The following SEMA6D variants were observed in gnomAD, a reference collection of about 807,000 sequenced individuals.
The protein encoded by SEMA6D is semaphorin-6D.
In SEMA6D, 35 loss-of-function variants were observed where a neutral mutation model predicts 106.6. The ratio of observed to expected loss-of-function variants is 0.33; its 90% CI spans 0.25 to 0.44. SEMA6D has a LOEUF of 0.44. Among genes scored for constraint, SEMA6D ranks in the 20% least tolerant of loss-of-function variants. The probability of loss-of-function intolerance (pLI) is 1.00; values close to 1 mark genes in which losing one functional copy is unlikely to be tolerated. For missense variants in SEMA6D, 1,185 were observed against 1,345.9 expected (o/e 0.88, Z 1.87); for synonymous variants, 499 against 487.7 (o/e 1.02, Z -0.31).
At chr15:47,375,881 A>G (rs1323530129) in intron 1 of SEMA6D, among the ~76,000 whole-genome samples, 2 of 152,222 alleles carry the variant, frequency 1.3e-5, no homozygotes, top group Non-Finnish European at 2.9e-5. Context: ...AGAAGATTAA[A>G]TGCTGGTGAT....
At chr15:47,185,128 T>C (rs1893471797) in intron 1 of SEMA6D, among the ~76,000 whole-genome samples, 1 of 152,070 alleles carries the variant, frequency 6.6e-6, no homozygotes, top group Non-Finnish European at 1.5e-5. Flanking sequence ...CGGTGACTGT[T>C]CTTGGGGCCA....
chr15:47,311,488 AT>A (rs1486316757), intron 1 of SEMA6D, among the ~76,000 whole-genome samples: 8 of 152,056 alleles, frequency 5.3e-5, no homozygotes, highest in Middle Eastern at 6.8e-3. Flanking sequence ...GGTTATGTGG[AT>A]TTTTTTTACA....
chr15:47,743,382 G>GT (rs202111281), intron 1 of SEMA6D, among the ~76,000 whole-genome samples: 38 of 149,546 alleles, frequency 2.5e-4, no homozygotes, highest in African/African-American at 3.4e-4. Flanking sequence ...ATTTTTCAAT[G>GT]TTTTTTTTTT....
At chr15:47,299,198 C>T (rs2035924169) in intron 1 of SEMA6D, among the ~76,000 whole-genome samples, 1 of 152,094 alleles carries the variant, frequency 6.6e-6, no homozygotes. Flanking sequence ...ATCAGCTGGT[C>T]CTTAGAGACC....
At chr15:47,302,054 C>T (rs913911137) in intron 1 of SEMA6D, among the ~76,000 whole-genome samples, 1 of 151,946 alleles carries the variant, frequency 6.6e-6, no homozygotes, top group Non-Finnish European at 1.5e-5. Flanking sequence ...ATGCACCAGC[C>T]CCATGTTAGC....
intron 1 of SEMA6D, among the ~76,000 whole-genome samples, chr15:47,718,177 G>T (rs1170838428): frequency 1.3e-5 from 2 of 152,212 alleles, no homozygotes; most frequent in African/African-American, 4.8e-5. Context: ...GAGCCAGCCG[G>T]GGAGAGCTGA....
chr15:47,549,836 A>G (rs1004724687), intron 3 of SEMA6D, among the ~76,000 whole-genome samples: 3 of 152,184 alleles, frequency 2.0e-5, no homozygotes, highest in Admixed American at 1.3e-4. Context: ...TGCAAAATGG[A>G]TCTTTTTTCA....
At chr15:47,677,387 G>A (rs976594445) in intron 4 of SEMA6D, among the ~76,000 whole-genome samples, 1 of 152,060 alleles carries the variant, frequency 6.6e-6, no homozygotes, top group African/African-American at 2.4e-5. Context: ...AGAGACCCAG[G>A]GAGAAGCTGC....
chr15:47,602,800 G>A (rs1215534570), intron 4 of SEMA6D, among the ~76,000 whole-genome samples: 3 of 152,144 alleles, frequency 2.0e-5, no homozygotes, highest in African/African-American at 7.2e-5. Flanking sequence ...TTGCAGGATG[G>A]AAGAAGTTGG....
intron 1 of SEMA6D, among the ~76,000 whole-genome samples, chr15:47,320,304 C>T (rs1456525150): frequency 2.0e-5 from 3 of 152,116 alleles, no homozygotes; most frequent in African/African-American, 7.2e-5. Context: ...TCTTGGTACC[C>T]CTGGCTAGAG....
chr15:47,554,310 A>G (rs2045854212), intron 3 of SEMA6D, among the ~76,000 whole-genome samples: 1 of 152,226 alleles, frequency 6.6e-6, no homozygotes, highest in Non-Finnish European at 1.5e-5. Context: ...TCACAAGACA[A>G]GAGTCAGAAC....
At chr15:47,752,516 G>A (rs984057683) in intron 1 of SEMA6D, among the ~76,000 whole-genome samples, 1 of 152,174 alleles carries the variant, frequency 6.6e-6, no homozygotes, top group African/African-American at 2.4e-5. Flanking sequence ...AGACCCAGGT[G>A]ATAGCTTGAG....
intron 4 of SEMA6D, among the ~76,000 whole-genome samples, chr15:47,621,023 A>G (rs1596465630): frequency 6.6e-6 from 1 of 152,160 alleles, no homozygotes; most frequent in Non-Finnish European, 1.5e-5. Context: ...CCTGTGTTGC[A>G]TACACAACGG....
intron 4 of SEMA6D, among the ~76,000 whole-genome samples, chr15:47,613,154 A>C (rs757962261): frequency 1.3e-5 from 2 of 152,184 alleles, no homozygotes; most frequent in Non-Finnish European, 2.9e-5. Context: ...CACAGCATTG[A>C]GAAAGCCTCT....
intron 3 of SEMA6D, among the ~76,000 whole-genome samples, chr15:47,510,721 C>T (rs1025261993): frequency 1.3e-5 from 2 of 152,154 alleles, no homozygotes; most frequent in Non-Finnish European, 2.9e-5. Context: ...TGTGGGTGAG[C>T]TTCCTGGGGC....
chr15:47,459,097 G>A (rs2042425316), intron 2 of SEMA6D, among the ~76,000 whole-genome samples: 1 of 151,978 alleles, frequency 6.6e-6, no homozygotes, highest in African/African-American at 2.4e-5. Flanking sequence ...AAGGTGATAG[G>A]ATACAGCCCC....
intron 1 of SEMA6D, among the ~76,000 whole-genome samples, chr15:47,193,368 A>G (rs1043974731): frequency 1.3e-5 from 2 of 152,242 alleles, no homozygotes; most frequent in Non-Finnish European, 2.9e-5. Flanking sequence ...TAATTGGAGC[A>G]TTTTGGATTT....
chr15:47,228,937 C>T (rs1178293237), intron 1 of SEMA6D, among the ~76,000 whole-genome samples: 2 of 152,026 alleles, frequency 1.3e-5, no homozygotes, highest in South Asian at 2.1e-4. Context: ...CATATGGCAG[C>T]TCTCAGTGTT....
At chr15:47,457,222 G>C (rs978859534) in intron 2 of SEMA6D, among the ~76,000 whole-genome samples, 33 of 151,882 alleles carry the variant, frequency 2.2e-4, no homozygotes, top group African/African-American at 8.0e-4. Context: ...TTGGGTTTCA[G>C]AACAAATCTC....
Sources: gnomAD v4.1 joint callset for allele counts (sites outside exome capture counted in the v4.1 genomes callset) on GRCh38, gnomAD v4.1.1 for gene constraint, MANE v1.5 for transcripts, NCBI Gene and HGNC (gene_info 2026-07-23, HGNC 2026-07-21) for gene names.